SMAD4: variants seen among roughly 807,000 people sequenced by gnomAD.
SMAD4 encodes the protein MAD homolog 4.
In SMAD4, 7 loss-of-function variants were observed where a neutral mutation model predicts 63.2. That is an observed-to-expected ratio of 0.11 (90% CI 0.06 to 0.21). SMAD4 has a LOEUF of 0.21. SMAD4 is among the 10% of genes least tolerant of loss of function. The pLI, the probability that SMAD4 is intolerant of heterozygous loss-of-function variation, is 1.00. For missense variants in SMAD4, 312 were observed against 693.8 expected (o/e 0.45, Z 6.18); for synonymous variants, 215 against 235.4 (o/e 0.91, Z 0.79).
intron 8 of SMAD4, among the ~76,000 whole-genome samples, chr18:51,061,180 T>A (rs1459834801): frequency 6.6e-6 from 1 of 152,088 alleles, no homozygotes; most frequent in Non-Finnish European, 1.5e-5. Context: ...GAAGATGGGG[T>A]ATACATCCCT....
At chr18:51,049,773 T>C (rs960117368) in intron 4 of SMAD4, among the ~76,000 whole-genome samples, 1 of 152,196 alleles carries the variant, frequency 6.6e-6, no homozygotes, top group African/African-American at 2.4e-5. Flanking sequence ...TGAATGATAA[T>C]GTTGAGAATG....
At chr18:51,033,322 T>G (rs1283620013) in intron 1 of SMAD4, among the ~76,000 whole-genome samples, 1 of 152,032 alleles carries the variant, frequency 6.6e-6, no homozygotes, top group African/African-American at 2.4e-5. Flanking sequence ...CCTGAGTAGC[T>G]GGGATTACAG....
intron 10 of SMAD4, among the ~76,000 whole-genome samples, chr18:51,067,523 G>A (rs891916874): frequency 2.6e-5 from 4 of 151,816 alleles, no homozygotes; most frequent in Non-Finnish European, 4.4e-5. Flanking sequence ...AGCAATTCTC[G>A]TGCCTCAGCA....
At chr18:51,055,448 T>C (rs2144420872) in intron 5 of SMAD4, among the ~76,000 whole-genome samples, 1 of 152,284 alleles carries the variant, frequency 6.6e-6, no homozygotes, top group African/African-American at 2.4e-5. Flanking sequence ...AAATTTGTTA[T>C]ATATTGCTCA....
intron 1 of SMAD4, among the ~76,000 whole-genome samples, chr18:51,034,485 A>G (rs1273794612): frequency 3.3e-5 from 5 of 152,182 alleles, no homozygotes; most frequent in African/African-American, 4.8e-5. Flanking sequence ...TCCTGACCTC[A>G]GGTGATCCAC....
chr18:51,084,828 TA>T lies in SMAD4; in HGVS notation c.*6364del, dbSNP rs989460339. The T allele has an allele frequency of 2.2e-5, 5 of 228,284 alleles. No individual in the cohort carries two copies. Among genetic ancestry groups the T allele is most frequent in the African/African-American group, 8.9e-5 (4 of 45,066 alleles). The allele number at this position is 228,284 out of a possible 1,614,324, so 14.1% of individuals were successfully genotyped here. ...GGTATTTCCCAACTGTTTCCTCCCC[TA>T]AATTCAGAGGAATGCAGCTATGCCA... is the stretch of plus-strand genomic sequence containing the variant. On this transcript the variant is annotated 3_prime_UTR_variant, in exon 12 of 12. Coordinates refer to ENST00000342988, the MANE Select transcript of SMAD4 (RefSeq NM_005359.6).
At chr18:51,041,670 C>G (rs1221063542) in intron 1 of SMAD4, among the ~76,000 whole-genome samples, 4 of 152,152 alleles carry the variant, frequency 2.6e-5, no homozygotes, top group African/African-American at 7.2e-5. Flanking sequence ...AAGTGGTAGC[C>G]TTTAAAAGAA....
chr18:51,052,431 A>G (rs1909736283), intron 4 of SMAD4: 1 of 154,342 alleles, frequency 6.5e-6, no homozygotes, highest in Admixed American at 6.4e-5. Context: ...ACTCCATGAC[A>G]GCAGGGATAT....
chr18:51,071,776 C>T (rs1245189054), intron 10 of SMAD4, among the ~76,000 whole-genome samples: 4 of 152,272 alleles, frequency 2.6e-5, no homozygotes, highest in Non-Finnish European at 5.9e-5. Flanking sequence ...AACTATCACC[C>T]CCAAATCTCC....
At chr18:51,047,326 C>G (rs745712779) in intron 2 of SMAD4, 31 bp downstream of exon 2, 3 of 1,603,934 alleles carry the variant, frequency 1.9e-6, no homozygotes, top group Non-Finnish European at 2.6e-6. Flanking sequence ...TCTATACCCT[C>G]TATGGTGGCA....
chr18:51,037,605 C>T (rs1909243291), intron 1 of SMAD4, among the ~76,000 whole-genome samples: 1 of 152,132 alleles, frequency 6.6e-6, no homozygotes, highest in African/African-American at 2.4e-5. Context: ...TGGAGTATGT[C>T]TTTTTAATAG....
intron 8 of SMAD4, among the ~76,000 whole-genome samples, chr18:51,064,765 C>T (rs1707215199): frequency 6.6e-6 from 1 of 152,076 alleles, no homozygotes; most frequent in Non-Finnish European, 1.5e-5. Flanking sequence ...CTAAAAATAC[C>T]TTTTGCTATG....
rs1172935767 is a variant in SMAD4, at chr18:51,081,801, A to C, written c.*3334A>C. On this transcript the variant is annotated 3_prime_UTR_variant, in exon 12 of 12. Transcript: ENST00000342988. ...TGCTAATTGTAGGAAGGTGAGTTGC[A>C]GGTATCTTTGACTATGGTCATCTGG... is the stretch of plus-strand genomic sequence containing the variant. 1 of 232,228 alleles carries C rather than the reference A, an allele frequency of 4.3e-6. No individual in the cohort carries two copies. The highest frequency in any genetic ancestry group is 2.2e-5 in the African/African-American group (1 of 45,300). The allele number at this position is 232,228 out of a possible 1,614,324, so 14.4% of individuals were successfully genotyped here.
chr18:51,046,638 C>G (rs752638823), intron 1 of SMAD4, among the ~76,000 whole-genome samples: 1 of 151,972 alleles, frequency 6.6e-6, no homozygotes, highest in African/African-American at 2.4e-5. Context: ...GTCAGTAAGA[C>G]TTGATTGAGC....
intron 1 of SMAD4, among the ~76,000 whole-genome samples, chr18:51,036,168 G>T (rs946368978): frequency 2.0e-5 from 3 of 151,916 alleles, no homozygotes; most frequent in African/African-American, 7.3e-5. Flanking sequence ...TGTAGAAATG[G>T]GGGGGCGGGG....
intron 4 of SMAD4, among the ~76,000 whole-genome samples, chr18:51,049,955 T>A (rs909719521): frequency 2.6e-5 from 4 of 152,210 alleles, no homozygotes; most frequent in Admixed American, 2.6e-4. Flanking sequence ...TTGTTTTTTA[T>A]TGTAATATTT....
At chr18:51,046,436 G>GGTTT (rs1179327505) in intron 1 of SMAD4, among the ~76,000 whole-genome samples, 1 of 131,110 alleles carries the variant, frequency 7.6e-6, no homozygotes, top group Non-Finnish European at 1.7e-5. Flanking sequence ...TCTAAATTGG[G>GGTTT]GTTTTTTTTT....
chr18:51,073,880 T>G (rs997528706), intron 10 of SMAD4, among the ~76,000 whole-genome samples: 3 of 151,838 alleles, frequency 2.0e-5, no homozygotes, highest in African/African-American at 7.3e-5. Flanking sequence ...GCATGATCCA[T>G]AAAGGAAAGA....
chr18:51,036,723 A>C (rs1047131470), intron 1 of SMAD4, among the ~76,000 whole-genome samples: 2 of 152,222 alleles, frequency 1.3e-5, no homozygotes, highest in African/African-American at 4.8e-5. Flanking sequence ...ACAGTACCTC[A>C]GACTTCCAGA....
Sources: gnomAD v4.1 joint callset for allele counts (sites outside exome capture counted in the v4.1 genomes callset) on GRCh38, gnomAD v4.1.1 for gene constraint, MANE v1.5 for transcripts, NCBI Gene and HGNC (gene_info 2026-07-23, HGNC 2026-07-21) for gene names.